TRMT6: variants seen among roughly 807,000 people sequenced by gnomAD.
TRMT6 encodes tRNA methyltransferase 6 non-catalytic subunit.
In TRMT6, 34 loss-of-function variants were observed where a neutral mutation model predicts 59.0. The ratio of observed to expected loss-of-function variants is 0.58; its 90% CI spans 0.44 to 0.77. The LOEUF (loss-of-function observed/expected upper bound fraction) is 0.77, where lower values mean the gene tolerates loss of function less well. TRMT6 is among the 30% of genes least tolerant of loss of function. TRMT6 has a pLI of 0.00. For synonymous variants in TRMT6, 217 were observed against 210.5 expected, an observed-to-expected ratio of 1.03 and a Z score of -0.27; for missense variants, 575 against 604.5, an observed-to-expected ratio of 0.95 and a Z score of 0.51.
Position 5,950,447 on chromosome 20 carries a change from C to A in TRMT6, c.-42G>T. The stretch of plus-strand genomic sequence containing the variant: ...CCGTGCTCCACGGCGTCCCGCCCCT[C>A]CTCCTCGGTTGTCGCCACCGCCAGC... On this transcript the variant is annotated 5_prime_UTR_variant, in exon 1 of 11. Transcript: ENST00000203001. 4.5e-6 allele frequency: 7 copies of A among 1,544,806 alleles called. No homozygotes were observed. The highest frequency in any genetic ancestry group is 6.1e-6 in the Non-Finnish European group (7 of 1,147,178).
chr20:5,941,428 G>A, intron 8 of TRMT6, 83 bp from the exon 9 acceptor site: 5 of 981,586 alleles, frequency 5.1e-6, no homozygotes, highest in Middle Eastern at 2.2e-4. Flanking sequence ...AAATGATCAT[G>A]TATTTAATTT....
chr20:5,942,183 A>T, intron 7 of TRMT6, 147 bp from the exon 8 acceptor site: 1 of 782,960 alleles, frequency 1.3e-6, no homozygotes, highest in East Asian at 2.5e-5. Context: ...AGTTGCAAAT[A>T]CACAAGAAAG....
chr20:5,946,635 G>T, intron 1 of TRMT6, 102 bp from the exon 2 acceptor site: 1 of 1,035,210 alleles, frequency 9.7e-7, no homozygotes, highest in East Asian at 2.5e-5. Context: ...CACAATGGAT[G>T]ATCAGCAGCA....
intron 1 of TRMT6, 92 bp downstream of exon 1, chr20:5,950,186 C>A: frequency 1.4e-6 from 2 of 1,387,400 alleles, no homozygotes; most frequent in Non-Finnish European, 9.8e-7. Flanking sequence ...AAGAATGGCA[C>A]CCTGGCGGAA....
In TRMT6 at chr20:5,944,266, G is replaced by A. The variant is rs2088686040; in HGVS notation, c.367-13C>T. On this transcript the variant is annotated splice_polypyrimidine_tract_variant and intron_variant, in intron 3 of 10. Coordinates refer to ENST00000203001, the MANE Select transcript of TRMT6 (RefSeq NM_015939.5). ...GCTGAACTATTTCCTATAAGAAAAG[G>A]AGCAAGTAGATTTTCTGAAACTTTA... is the stretch of plus-strand genomic sequence containing the variant. 1 of 1,454,862 alleles carries A rather than the reference G, an allele frequency of 6.9e-7. No homozygotes were observed. The highest frequency in any genetic ancestry group is 9.3e-7 in the Non-Finnish European group (1 of 1,072,230). The allele number at this position is 1,454,862 out of a possible 1,614,324, so 90.1% of individuals were successfully genotyped here.
intron 8 of TRMT6, chr20:5,941,566 T>G: frequency 5.3e-6 from 3 of 568,318 alleles, no homozygotes; most frequent in Non-Finnish European, 9.4e-6. Flanking sequence ...TTGGCAACTC[T>G]AAGTCGCATT....
intron 7 of TRMT6, 30 bp from the exon 8 acceptor site, chr20:5,942,066 A>G: frequency 6.4e-7 from 1 of 1,572,808 alleles, no homozygotes; most frequent in Non-Finnish European, 8.7e-7. Context: ...AAATCAATGT[A>G]CTGGGGTCTT....
rs2088677919 is a variant in TRMT6, at chr20:5,943,565, T to C, written c.661A>G (p.Met221Val). 1.2e-6 allele frequency: 2 copies of C among 1,614,098 alleles called. No individual in the cohort carries two copies. Among genetic ancestry groups the C allele is most frequent in the Non-Finnish European group, 1.7e-6 (2 of 1,180,010 alleles). The change falls in exon 6 of 11, where the codon ATG becomes GTG. Residue 221 changes from methionine (M) to valine (V), a missense_variant. Transcript: ENST00000203001. ...TGGAAATATTAAATCTTACCTCCCATTCGTTCCATCATTGCACCCAGCACC... is the reference window on the plus strand; with the variant it reads ...TGGAAATATTAAATCTTACCTCCCACTCGTTCCATCATTGCACCCAGCACC... ...GLVLGAMMER[M>V]GGFGSIIQLY...
intron 7 of TRMT6, 127 bp downstream of exon 7, chr20:5,942,301 G>A (rs1042859603): frequency 1.2e-5 from 11 of 897,880 alleles, no homozygotes; most frequent in Admixed American, 1.9e-5. Flanking sequence ...ACACACACTC[G>A]TTCTCTGTTT....
At chr20:5,941,619 A>G in intron 8 of TRMT6, 1 of 550,752 alleles carries the variant, frequency 1.8e-6, no homozygotes, top group Non-Finnish European at 3.2e-6. Context: ...CCTGGAAACA[A>G]ATCCAACACT....
chr20:5,942,632 C>A lies in TRMT6; in HGVS notation c.822G>T (p.Met274Ile), dbSNP rs772936392. 1 of 1,614,148 alleles carries A rather than the reference C, an allele frequency of 6.2e-7. No homozygotes were observed. The highest frequency in any genetic ancestry group is 8.5e-7 in the Non-Finnish European group (1 of 1,180,016). ...CACTGTCTTTTGGCTCTGAAGATAA[C>A]ATCTTGGCAGAAAATGTTCCATGTA... is the stretch of plus-strand genomic sequence containing the variant. ...SLLHGTFSAKMLSSEPKDSAL... is the reference protein window; with the variant it reads ...SLLHGTFSAKILSSEPKDSAL... Residue 274 changes from methionine (M) to isoleucine (I), a missense_variant, in exon 7 of 11, where the codon ATG (methionine) becomes ATT (isoleucine). Transcript: ENST00000203001.
intron 1 of TRMT6, among the ~76,000 whole-genome samples, chr20:5,949,480 C>T (rs1434628962): frequency 2.0e-5 from 3 of 152,216 alleles, no homozygotes; most frequent in African/African-American, 7.2e-5. Flanking sequence ...AGAAAGTTAT[C>T]AAAATCCCAC....
Position 5,942,550 on chromosome 20 carries a change from T to C in TRMT6, c.904A>G (p.Asn302Asp), listed in dbSNP as rs1013144028. ...LEEKQASEQE[N>D]EDSMAEAPES... is the part of the protein sequence containing the mutation. ...GGGGCCTCTGCCATGCTGTCTTCATTCTCTTGTTCAGAAGCCTGTTTTTCC... is the reference window on the plus strand; with the variant it reads ...GGGGCCTCTGCCATGCTGTCTTCATCCTCTTGTTCAGAAGCCTGTTTTTCC... The change falls in exon 7 of 11, where the codon AAT (asparagine) becomes GAT (aspartate). Residue 302 changes from asparagine to aspartate, a missense_variant. By Grantham distance (23) the Asn-to-Asp change is conservative. Transcript: ENST00000203001. 7 of 1,614,048 alleles carry C rather than the reference T, an allele frequency of 4.3e-6. No individual in the cohort carries two copies. In the Admixed American group the frequency reaches 5.0e-5, roughly 12 times the overall value.
chr20:5,944,273 T>A lies in TRMT6; in HGVS notation c.367-20A>T. 1 of 1,424,002 alleles carries A rather than the reference T, an allele frequency of 7.0e-7. No homozygotes were observed. Among genetic ancestry groups the A allele is most frequent in the Non-Finnish European group, 9.6e-7 (1 of 1,045,762 alleles). 88.2% of individuals were successfully genotyped at this position (1,424,002 alleles called of 1,614,324 possible). ...TATTTCCTATAAGAAAAGGAGCAAG[T>A]AGATTTTCTGAAACTTTACTTTCAC... On this transcript the variant is annotated intron_variant, in intron 3 of 10. Coordinates refer to ENST00000203001, the MANE Select transcript of TRMT6 (RefSeq NM_015939.5).
At position 5,943,634 on chromosome 20, in the gene TRMT6, G is replaced by T; in HGVS notation, c.592C>A (p.Arg198Ser). 1 of 1,614,106 alleles carries T rather than the reference G, an allele frequency of 6.2e-7. No individual in the cohort carries two copies. Among genetic ancestry groups the T allele is most frequent in the Non-Finnish European group, 8.5e-7 (1 of 1,180,016 alleles). Reference protein sequence around the residue: ...LAQMLTLGNIRAGNKMIVMET... With the variant: ...LAQMLTLGNISAGNKMIVMET... ...ATCACAATCATTTTGTTGCCAGCAC[G>T]GATATTTCCCAACGTCAACATCTGG... Residue 198 changes from arginine (R) to serine (S), a missense_variant, in exon 6 of 11, where the codon CGT becomes AGT. Physicochemically the swap from Arg to Ser is moderately radical, Grantham distance 110 (BLOSUM62 -1). Coordinates refer to ENST00000203001, the MANE Select transcript of TRMT6 (RefSeq NM_015939.5).
chr20:5,950,513 G>T lies in TRMT6; in HGVS notation c.-108C>A. 1 of 1,282,122 alleles carries T rather than the reference G, an allele frequency of 7.8e-7. No individual in the cohort carries two copies. Among genetic ancestry groups the T allele is most frequent in the Non-Finnish European group, 1.0e-6 (1 of 968,006 alleles). The allele number at this position is 1,282,122 out of a possible 1,614,324, so 79.4% of individuals were successfully genotyped here. On this transcript the variant is annotated 5_prime_UTR_variant, in exon 1 of 11. Coordinates refer to ENST00000203001, the MANE Select transcript of TRMT6 (RefSeq NM_015939.5). ...CTGGCGCACTAGGAGCCCTCCGACC[G>T]GCACCGCCCCCACGTGTTGCACGCC...
At position 5,941,134 on chromosome 20, in the gene TRMT6, C is replaced by A; in HGVS notation, c.1221G>T (p.Leu407=). ...FVVYCQYKEP[L]LECYTKLRER... Reference sequence around the variant, plus strand: ...CCCGCAGTTTTGTGTAGCATTCCAACAGAGGCTGCAGACAACAACAGAATT... The same window carrying A: ...CCCGCAGTTTTGTGTAGCATTCCAAAAGAGGCTGCAGACAACAACAGAATT... Residue 407 remains leucine, a synonymous_variant, in exon 10 of 11, where the codon CTG becomes CTT. Transcript: ENST00000203001. 1 of 1,614,078 alleles carries A rather than the reference C, an allele frequency of 6.2e-7. No individual in the cohort carries two copies. Among genetic ancestry groups the A allele is most frequent in the Non-Finnish European group, 8.5e-7 (1 of 1,179,896 alleles).
rs755281293 is a variant in TRMT6, at chr20:5,950,413, A to G, written c.-8T>C. The G allele has an allele frequency of 3.8e-6, 6 of 1,577,006 alleles. No homozygotes were observed. The highest frequency in any genetic ancestry group is 2.3e-5 in the South Asian group (2 of 88,342). On this transcript the variant is annotated 5_prime_UTR_variant, in exon 1 of 11. Transcript: ENST00000203001. Reference sequence around the variant, plus strand: ...CTCCCCTGAGCCCTCCATGACGCTCAGCCGGTCGCCGTGCTCCACGGCGTC... The same window carrying G: ...CTCCCCTGAGCCCTCCATGACGCTCGGCCGGTCGCCGTGCTCCACGGCGTC...
chr20:5,944,071 A>C lies in TRMT6; in HGVS notation c.459-40T>G, dbSNP rs2088683963. ...AACAGAACGCTGATTTAAAAAAATG[A>C]CTTAAAATATTTTATTTGTAATAAA... is the stretch of plus-strand genomic sequence containing the variant. On this transcript the variant is annotated intron_variant, in intron 4 of 10. Coordinates refer to ENST00000203001, the MANE Select transcript of TRMT6 (RefSeq NM_015939.5). 3 of 1,464,004 alleles carry C rather than the reference A, an allele frequency of 2.0e-6. No homozygotes were observed. In the East Asian group the frequency reaches 7.2e-5, roughly 35 times the overall value. The allele number at this position is 1,464,004 out of a possible 1,614,324, so 90.7% of individuals were successfully genotyped here.
Sources: gnomAD v4.1 joint callset for allele counts (sites outside exome capture counted in the v4.1 genomes callset) on GRCh38, gnomAD v4.1.1 for gene constraint, MANE v1.5 for transcripts, NCBI Gene and HGNC (gene_info 2026-07-23, HGNC 2026-07-21) for gene names.